Variants in TRPM3 observed in about 807,000 individuals in gnomAD.
TRPM3 encodes the protein long transient receptor potential channel 3.
A neutral mutation model predicts 181.2 loss-of-function variants in TRPM3; 77 were observed. The ratio of observed to expected loss-of-function variants is 0.42; its 90% confidence interval spans 0.35 to 0.51. The LOEUF is 0.51. TRPM3 is among the 20% of genes least tolerant of loss of function. The probability of loss-of-function intolerance (pLI) is 0.01; values close to 1 mark genes in which losing one functional copy is unlikely to be tolerated. For missense variants in TRPM3, 1,759 were observed against 2,196.7 expected, an observed-to-expected ratio of 0.80 and a Z score of 3.98; for synonymous variants, 745 against 796.4, an observed-to-expected ratio of 0.94 and a Z score of 1.09.
intron 1 of TRPM3, among the ~76,000 whole-genome samples, chr9:71,267,569 T>C (rs539119461): frequency 8.7e-5 from 9 of 102,970 alleles, no homozygotes. Context: ...ACTCAGACTC[T>C]ACTTATCTCT....
rs1450065757 is a variant in TRPM3 at position 71,190,186 on chromosome 9, A to G, written c.183+256467T>C. ...CAGGAGCAGATCCATGTCACTTCAC[A>G]TAGCTGCGCAATGTGGGCAAGGCAG... On this transcript the variant is annotated intron_variant, in intron 1 of 24. Transcript: ENST00000357533. 2.0e-5 allele frequency among the ~76,000 whole-genome samples: 3 copies of G among 151,868 alleles called. No individual in the cohort carries two copies. The East Asian group carries it at 5.8e-4, about 29-fold the overall frequency.
chr9:70,812,825 A>G (rs1334243432), intron 6 of TRPM3, among the ~76,000 whole-genome samples: 3 of 152,224 alleles, frequency 2.0e-5, no homozygotes, highest in Non-Finnish European at 1.5e-5. Flanking sequence ...AGTGAAGGTC[A>G]AGTGGGGTGA....
chr9:71,298,220 C>G (rs1483472979), intron 1 of TRPM3, among the ~76,000 whole-genome samples: 1 of 152,068 alleles, frequency 6.6e-6, no homozygotes, highest in African/African-American at 2.4e-5. Flanking sequence ...TATATTCGAC[C>G]TTGTTTGATC....
At chr9:70,658,555 T>C (rs544647631) in intron 9 of TRPM3, among the ~76,000 whole-genome samples, 1 of 152,242 alleles carries the variant, frequency 6.6e-6, no homozygotes, top group South Asian at 2.1e-4. Context: ...TGATATGACT[T>C]AGTGTATGTT....
chr9:70,903,166 TG>T (rs1397070028), intron 1 of TRPM3, among the ~76,000 whole-genome samples: 1 of 152,242 alleles, frequency 6.6e-6, no homozygotes, highest in African/African-American at 2.4e-5. Flanking sequence ...TTTCCTGTGT[TG>T]AAACGTTAAC....
At chr9:71,369,127 A>G (rs1353000080) in intron 1 of TRPM3, among the ~76,000 whole-genome samples, 1 of 152,134 alleles carries the variant, frequency 6.6e-6, no homozygotes, top group Non-Finnish European at 1.5e-5. Flanking sequence ...AACCTCAGAA[A>G]AGCAGAAGGA....
intron 1 of TRPM3, among the ~76,000 whole-genome samples, chr9:71,209,586 G>A (rs148930608): frequency 6.6e-6 from 1 of 152,298 alleles, no homozygotes; most frequent in East Asian, 1.9e-4. Flanking sequence ...CAAAATTTGA[G>A]AGAGAGGCAA....
At chr9:70,595,738 ACT>A (rs1382853956) in intron 21 of TRPM3, among the ~76,000 whole-genome samples, 2 of 151,972 alleles carry the variant, frequency 1.3e-5, no homozygotes, top group African/African-American at 4.8e-5. Context: ...CTAAATCTAG[ACT>A]CTCTGCTTTT....
At chr9:71,236,365 A>G (rs1264739914) in intron 1 of TRPM3, among the ~76,000 whole-genome samples, 2 of 152,092 alleles carry the variant, frequency 1.3e-5, no homozygotes, top group African/African-American at 2.4e-5. Flanking sequence ...TATAATTTCC[A>G]TCTCCTCTTC....
chr9:71,290,561 T>C (rs2085722870), intron 1 of TRPM3, among the ~76,000 whole-genome samples: 2 of 152,028 alleles, frequency 1.3e-5, no homozygotes, highest in African/African-American at 4.8e-5. Flanking sequence ...CTAAAGGATA[T>C]ATGTTAGAAA....
intron 8 of TRPM3, 136 bp from the exon 9 acceptor site, chr9:70,681,714 A>G: frequency 1.4e-6 from 1 of 733,432 alleles, no homozygotes; most frequent in Non-Finnish European, 2.3e-6. Context: ...AGCACACATA[A>G]CAAGAATCCG....
At chr9:71,080,053 C>T (rs1381507773) in intron 1 of TRPM3, among the ~76,000 whole-genome samples, 1 of 152,044 alleles carries the variant, frequency 6.6e-6, no homozygotes, top group African/African-American at 2.4e-5. Flanking sequence ...GCCTGTAATT[C>T]CAGCGACTTG....
At position 70,607,390 on chromosome 9, in the gene TRPM3, C is replaced by T. The variant is rs141975973; in HGVS notation, c.2667+3219G>A. On this transcript the variant is annotated intron_variant, in intron 19 of 25. Transcript: ENST00000677713. ...CATACCTTATTTCCAGTCACTTCCTCGAGGCCTGGGCTTTGTCAATATGTG... is the reference window on the plus strand; with the variant it reads ...CATACCTTATTTCCAGTCACTTCCTTGAGGCCTGGGCTTTGTCAATATGTG... Among the ~76,000 whole-genome samples, 684 of 152,256 alleles carry T rather than the reference C, an allele frequency of 4.5e-3. 3 individuals carry two copies. Among genetic ancestry groups the T allele is most frequent in the African/African-American group, 0.015 (639 of 41,550 alleles).
chr9:71,410,947 C>T (rs1565545937), intron 1 of TRPM3, among the ~76,000 whole-genome samples: 1 of 152,148 alleles, frequency 6.6e-6, no homozygotes, highest in Non-Finnish European at 1.5e-5. Flanking sequence ...GCTAGTTCAA[C>T]ATATGAAAAT....
rs535798625 is a variant in TRPM3 at position 70,761,758 on chromosome 9, C to T, written c.1149-34G>A. 210 of 1,590,590 alleles carry T rather than the reference C, an allele frequency of 1.3e-4. 2 individuals are homozygous for T. The South Asian group carries it at 1.9e-3, about 15-fold the overall frequency. On this transcript the variant is annotated intron_variant, in intron 7 of 25. Coordinates refer to ENST00000677713, the MANE Select transcript of TRPM3 (RefSeq NM_001366145.2). ...AAAAACAATGTCAAAAGCAGGTCAA[C>T]CAACTCCTATTCAGCAAGTATTTCT...
chr9:70,794,042 C>T (rs2086350444), intron 6 of TRPM3, among the ~76,000 whole-genome samples: 1 of 151,904 alleles, frequency 6.6e-6, no homozygotes, highest in Admixed American at 6.6e-5. Context: ...ATTGGAGCAG[C>T]GTCTGTACTT....
chr9:70,681,431 T>C, intron 9 of TRPM3, 75 bp downstream of exon 9: 2 of 1,230,044 alleles, frequency 1.6e-6, no homozygotes, highest in South Asian at 1.2e-5. Flanking sequence ...ATTATATCTA[T>C]TATTAGGAGA....
rs576546235 is a variant in TRPM3, at chr9:70,640,671, A to C, written c.1346-11T>G. 4 of 1,608,992 alleles carry C rather than the reference A, an allele frequency of 2.5e-6. No homozygotes were observed. Among genetic ancestry groups the C allele is most frequent in the Non-Finnish European group, 3.4e-6 (4 of 1,176,120 alleles). ...CCGAGGCATTGGCTCCTGTGTGAGGACAAGTGGGAGAAAAGAGTGGAAGAG... is the reference window on the plus strand; with the variant it reads ...CCGAGGCATTGGCTCCTGTGTGAGGCCAAGTGGGAGAAAAGAGTGGAAGAG... On this transcript the variant is annotated splice_polypyrimidine_tract_variant and intron_variant, in intron 9 of 25. Transcript: ENST00000677713.
chr9:71,440,115 TCCA>T (rs2094114975), intron 1 of TRPM3, among the ~76,000 whole-genome samples: 1 of 151,952 alleles, frequency 6.6e-6, no homozygotes, highest in Admixed American at 6.6e-5. Flanking sequence ...ACAATGAGAC[TCCA>T]TCTCAAAAAA....
Sources: gnomAD v4.1 joint callset for allele counts (sites outside exome capture counted in the v4.1 genomes callset) on GRCh38, gnomAD v4.1.1 for gene constraint, MANE v1.5 for transcripts, NCBI Gene and HGNC (gene_info 2026-07-23, HGNC 2026-07-21) for gene names.